Variants in TMEM108 observed in about 807,000 individuals in gnomAD.
TMEM108 encodes transmembrane protein 108.
In TMEM108, 12 loss-of-function variants were observed where a neutral mutation model predicts 35.1. That is an observed-to-expected ratio of 0.34 (90% CI 0.22 to 0.55). The LOEUF (loss-of-function observed/expected upper bound fraction) is 0.55, where lower values mean the gene tolerates loss of function less well. Among genes scored for constraint, TMEM108 ranks in the 20% least tolerant of loss-of-function variants. The pLI, the probability that TMEM108 is intolerant of heterozygous loss-of-function variation, is 0.89. For synonymous variants in TMEM108, 287 were observed against 308.6 expected (o/e 0.93, Z 0.73); for missense variants, 680 against 753.3 (o/e 0.90, Z 1.14).
At chr3:133,089,661 G>A (rs772994414) in intron 2 of TMEM108, among the ~76,000 whole-genome samples, 2 of 152,166 alleles carry the variant, frequency 1.3e-5, no homozygotes, top group African/African-American at 4.8e-5. Flanking sequence ...CTTAATGATT[G>A]TCTACCTTCT....
intron 3 of TMEM108, among the ~76,000 whole-genome samples, chr3:133,249,547 G>A (rs1946437015): frequency 6.6e-6 from 1 of 152,152 alleles, no homozygotes; most frequent in Admixed American, 6.5e-5. Context: ...ACTTATAAGT[G>A]AGAACATGTG....
chr3:133,055,498 G>A lies in TMEM108; in HGVS notation c.-47+9478G>A, dbSNP rs554709363. Among the ~76,000 whole-genome samples the A allele has an allele frequency of 1.4e-4, 22 of 152,300 alleles. No homozygotes were observed. The South Asian group carries it at 4.6e-3, about 32-fold the overall frequency. ...ATCCTGAATCCTTTATTCCCATCCTGCCATAGGCTACTCCCCATGAGGTTC... is the reference window on the plus strand; with the variant it reads ...ATCCTGAATCCTTTATTCCCATCCTACCATAGGCTACTCCCCATGAGGTTC... On this transcript the variant is annotated intron_variant, in intron 2 of 5. Transcript: ENST00000321871.
intron 3 of TMEM108, among the ~76,000 whole-genome samples, chr3:133,315,986 C>T (rs145852815): frequency 1.3e-5 from 2 of 152,310 alleles, no homozygotes; most frequent in African/African-American, 4.8e-5. Flanking sequence ...TACTAAGAAC[C>T]AGAGACGACT....
intron 2 of TMEM108, among the ~76,000 whole-genome samples, chr3:133,123,737 G>A (rs962641236): frequency 3.3e-5 from 5 of 152,178 alleles, no homozygotes; most frequent in African/African-American, 1.2e-4. Context: ...AGAAAAGTGG[G>A]TCTTTTGCAC....
intron 2 of TMEM108, among the ~76,000 whole-genome samples, chr3:133,150,342 G>GTTTGT (rs1944780395): frequency 9.1e-6 from 1 of 109,708 alleles, no homozygotes; most frequent in Non-Finnish European, 1.8e-5. Context: ...AGGTTATTTG[G>GTTTGT]TTTTTTTTTT....
intron 3 of TMEM108, among the ~76,000 whole-genome samples, chr3:133,348,171 A>G (rs1216680071): frequency 6.6e-6 from 1 of 152,080 alleles, no homozygotes; most frequent in African/African-American, 2.4e-5. Context: ...AAGTAATATT[A>G]ATCAAAATAT....
At chr3:133,254,574 A>C (rs1946518225) in intron 3 of TMEM108, among the ~76,000 whole-genome samples, 1 of 152,188 alleles carries the variant, frequency 6.6e-6, no homozygotes, top group South Asian at 2.1e-4. Flanking sequence ...CCAAATACAT[A>C]AGAAAGCAAG....
In TMEM108 at chr3:133,397,480, ACT is replaced by A. The variant is rs2073322395; in HGVS notation, c.*1497_*1498del. On this transcript the variant is annotated 3_prime_UTR_variant, in exon 6 of 6. Coordinates refer to ENST00000321871, the MANE Select transcript of TMEM108 (RefSeq NM_023943.4). ...GTTCGGTTGTTGTCTCTCTTCAAAG[ACT>A]CTTCAACCCACAAAGAAGCAACTAA... The A allele has an allele frequency of 6.6e-6, 1 of 151,362 alleles. No homozygotes were observed. The highest frequency in any genetic ancestry group is 1.5e-5 in the Non-Finnish European group (1 of 67,942). The allele number at this position is 151,362 out of a possible 1,614,324, so 9.4% of individuals were successfully genotyped here.
chr3:133,088,515 G>T (rs1412242074), intron 2 of TMEM108, among the ~76,000 whole-genome samples: 2 of 152,192 alleles, frequency 1.3e-5, no homozygotes, highest in East Asian at 3.8e-4. Context: ...CTGGCTTTTT[G>T]AGTAGCAAAG....
At chr3:133,302,667 G>A (rs549577696) in intron 3 of TMEM108, among the ~76,000 whole-genome samples, 20 of 151,968 alleles carry the variant, frequency 1.3e-4, no homozygotes, top group South Asian at 2.1e-4. Flanking sequence ...TGATCCTCCC[G>A]CCTCGGCCTC....
rs145483808 is a variant in TMEM108 at position 133,352,251 on chromosome 3, G to A, written c.41-27501G>A. Among the ~76,000 whole-genome samples, 361 of 152,112 alleles carry A rather than the reference G, an allele frequency of 2.4e-3. 1 individual carries two copies. The highest frequency in any genetic ancestry group is 0.015 in the South Asian group (74 of 4,814). ...TCATAATTCTGAAGAGTTAGAAAAC[G>A]CAGGTTCAAGTTTCAACCCTTTTAC... On this transcript the variant is annotated intron_variant, in intron 3 of 5. Coordinates refer to ENST00000321871, the MANE Select transcript of TMEM108 (RefSeq NM_023943.4).
intron 2 of TMEM108, among the ~76,000 whole-genome samples, chr3:133,127,769 C>T (rs1944436780): frequency 6.6e-6 from 1 of 152,170 alleles, no homozygotes; most frequent in South Asian, 2.1e-4. Flanking sequence ...TTCTATGATA[C>T]CTTAGTGTAG....
intron 3 of TMEM108, among the ~76,000 whole-genome samples, chr3:133,286,710 C>T (rs1946990877): frequency 6.6e-6 from 1 of 152,184 alleles, no homozygotes; most frequent in Non-Finnish European, 1.5e-5. Flanking sequence ...GAACCTTGGG[C>T]TACATAGTAT....
At chr3:133,332,341 T>A (rs139406980) in intron 3 of TMEM108, among the ~76,000 whole-genome samples, 7 of 152,290 alleles carry the variant, frequency 4.6e-5, no homozygotes, top group Non-Finnish European at 1.0e-4. Flanking sequence ...AATTTGCCAC[T>A]GGAACAGCCA....
intron 3 of TMEM108, among the ~76,000 whole-genome samples, chr3:133,274,201 G>T (rs950693482): frequency 3.9e-5 from 6 of 152,222 alleles, no homozygotes; most frequent in African/African-American, 1.2e-4. Flanking sequence ...ATCTCAGATT[G>T]TTCTTGGTTA....
In TMEM108 at chr3:133,390,291, C is replaced by G; in HGVS notation, c.1562C>G (p.Ala521Gly). The G allele has an allele frequency of 1.2e-6, 2 of 1,614,222 alleles. No homozygotes were observed. The highest frequency in any genetic ancestry group is 1.7e-6 in the Non-Finnish European group (2 of 1,180,028). The stretch of plus-strand genomic sequence containing the variant: ...ACCATGGACTACTTCAACAGGCATG[C>G]TGTGGAGCTGCCCAGGGAGATCCAG... Reference protein sequence around the residue: ...TITMDYFNRHAVELPREIQSL... With the variant: ...TITMDYFNRHGVELPREIQSL... Residue 521 changes from alanine (A) to glycine (G), a missense_variant, in exon 5 of 6, where the codon GCT becomes GGT. Ala to Gly is a moderately conservative substitution (Grantham distance 60, BLOSUM62 0). Transcript: ENST00000321871.
intron 2 of TMEM108, among the ~76,000 whole-genome samples, chr3:133,152,291 A>G (rs988513763): frequency 6.6e-6 from 1 of 152,172 alleles, no homozygotes; most frequent in Non-Finnish European, 1.5e-5. Flanking sequence ...TACTGTTTCA[A>G]CAGGCTCTCT....
At chr3:133,237,469 T>C (rs1946255362) in intron 3 of TMEM108, among the ~76,000 whole-genome samples, 1 of 152,160 alleles carries the variant, frequency 6.6e-6, no homozygotes, top group Admixed American at 6.6e-5. Flanking sequence ...TTCTAATTCA[T>C]CTTCACATTA....
chr3:133,149,071 TA>T (rs1351123678), intron 2 of TMEM108, among the ~76,000 whole-genome samples: 2 of 152,000 alleles, frequency 1.3e-5, no homozygotes, highest in African/African-American at 4.8e-5. Flanking sequence ...AGAAAACACC[TA>T]CATCAGTCAA....
Sources: gnomAD v4.1 joint callset for allele counts (sites outside exome capture counted in the v4.1 genomes callset) on GRCh38, gnomAD v4.1.1 for gene constraint, MANE v1.5 for transcripts, NCBI Gene and HGNC (gene_info 2026-07-23, HGNC 2026-07-21) for gene names.